EEPD1: variants seen among roughly 807,000 people sequenced by gnomAD.
EEPD1 encodes endonuclease/exonuclease/phosphatase family domain containing 1.
A neutral mutation model predicts 46.3 loss-of-function variants in EEPD1; 17 were observed. The observed-to-expected ratio is 0.37, with a 90% CI of 0.25 to 0.55. The LOEUF is 0.55. Among genes scored for constraint, EEPD1 ranks in the 20% least tolerant of loss-of-function variants. The pLI is 0.83. For missense variants in EEPD1, 673 were observed against 745.6 expected, an observed-to-expected ratio of 0.90 and a Z score of 1.13; for synonymous variants, 313 against 315.6, an observed-to-expected ratio of 0.99 and a Z score of 0.09.
intron 6 of EEPD1, among the ~76,000 whole-genome samples, chr7:36,292,826 T>A (rs1787469662): frequency 6.6e-6 from 1 of 152,154 alleles, no homozygotes; most frequent in African/African-American, 2.4e-5. Context: ...TGTTTTCTGA[T>A]ATTCTCCTGT....
At chr7:36,267,598 G>A (rs746995863) in intron 3 of EEPD1, among the ~76,000 whole-genome samples, 1 of 152,166 alleles carries the variant, frequency 6.6e-6, no homozygotes, top group Non-Finnish European at 1.5e-5. Flanking sequence ...CATCCTGGAT[G>A]CACACAAGCT....
chr7:36,179,789 G>A (rs113529567), intron 2 of EEPD1, among the ~76,000 whole-genome samples: 33 of 151,662 alleles, frequency 2.2e-4, no homozygotes, highest in Non-Finnish European at 3.4e-4. Flanking sequence ...CTGTACAGTG[G>A]TTTGCAGACT....
intron 2 of EEPD1, among the ~76,000 whole-genome samples, chr7:36,201,355 G>A (rs1472274001): frequency 6.6e-6 from 1 of 152,214 alleles, no homozygotes; most frequent in East Asian, 1.9e-4. Flanking sequence ...AATGTACTAT[G>A]TTTTGTAGGA....
intron 2 of EEPD1, among the ~76,000 whole-genome samples, chr7:36,199,452 G>A (rs989939346): frequency 6.6e-6 from 1 of 152,160 alleles, no homozygotes; most frequent in Non-Finnish European, 1.5e-5. Flanking sequence ...GCAGGTGTGG[G>A]TGGCAGGAGC....
intron 3 of EEPD1, among the ~76,000 whole-genome samples, chr7:36,253,287 C>T (rs981503367): frequency 2.0e-5 from 3 of 152,120 alleles, no homozygotes; most frequent in Admixed American, 1.3e-4. Flanking sequence ...CATTCCATAT[C>T]ACTGTGGTCA....
At chr7:36,245,033 C>T (rs774577693) in intron 3 of EEPD1, among the ~76,000 whole-genome samples, 121 of 152,040 alleles carry the variant, frequency 8.0e-4, no homozygotes, top group Non-Finnish European at 1.4e-3. Context: ...GCAACCTTCA[C>T]CTCCCAGGTG....
At chr7:36,244,789 TGG>T (rs1437951373) in intron 3 of EEPD1, among the ~76,000 whole-genome samples, 4 of 113,646 alleles carry the variant, frequency 3.5e-5, no homozygotes, top group Non-Finnish European at 7.3e-5. Flanking sequence ...TTTTTTTTTT[TGG>T]AGACGGAGTC....
chr7:36,198,344 A>AAAAAAAAAAAAAAAG (rs1428651956), intron 2 of EEPD1, among the ~76,000 whole-genome samples: 2 of 112,972 alleles, frequency 1.8e-5, no homozygotes, highest in East Asian at 5.1e-4. Flanking sequence ...AAAGAAAAGA[A>AAAAAAAAAAAAAAAG]AAAAAAAAAA....
intron 2 of EEPD1, among the ~76,000 whole-genome samples, chr7:36,223,860 G>C (rs1046659976): frequency 3.3e-5 from 5 of 152,196 alleles, no homozygotes; most frequent in Non-Finnish European, 2.9e-5. Flanking sequence ...TGTCTGCAAG[G>C]AGAAACTTGC....
intron 2 of EEPD1, among the ~76,000 whole-genome samples, chr7:36,198,967 C>T (rs1240795009): frequency 3.9e-5 from 6 of 152,100 alleles, no homozygotes; most frequent in South Asian, 2.1e-4. Context: ...GGTGGACCAC[C>T]GAGGAGAACC....
At position 36,193,574 on chromosome 7, in the gene EEPD1, G is replaced by T. The variant is rs1411819516; in HGVS notation, c.878+38372G>T. 6.6e-6 allele frequency among the ~76,000 whole-genome samples: 1 copy of T among 152,164 alleles called. No homozygotes were observed. Among genetic ancestry groups the T allele is most frequent in the African/African-American group, 2.4e-5 (1 of 41,442 alleles). Reference sequence around the variant, plus strand: ...TTTTGATGGAGTGCTGCCCAGAGGTGCTGGGTCCCCTGTCCTAGGAGAGTC... The same window carrying T: ...TTTTGATGGAGTGCTGCCCAGAGGTTCTGGGTCCCCTGTCCTAGGAGAGTC... On this transcript the variant is annotated intron_variant, in intron 2 of 7. Transcript: ENST00000242108. The surrounding 1 kb of genome is among the most constrained non-coding windows in gnomAD (Gnocchi z 4.9).
Position 36,300,961 on chromosome 7 carries a change from A to G in EEPD1, c.*1755A>G, listed in dbSNP as rs930536920. ...TTAAAGTCAAGAGGGGCAGCTCAGG[A>G]TGCTACCAGGGAGCACATCGTTTCT... On this transcript the variant is annotated 3_prime_UTR_variant, in exon 8 of 8. Transcript: ENST00000242108. 2.0e-5 allele frequency: 3 copies of G among 152,288 alleles called. No individual in the cohort carries two copies. The highest frequency in any genetic ancestry group is 7.2e-5 in the African/African-American group (3 of 41,460). 9.4% of individuals were successfully genotyped at this position (152,288 alleles called of 1,614,324 possible).
At chr7:36,229,069 C>T (rs758745147) in intron 2 of EEPD1, among the ~76,000 whole-genome samples, 6 of 152,298 alleles carry the variant, frequency 3.9e-5, no homozygotes, top group Admixed American at 2.0e-4. Context: ...TCTAAAGGCA[C>T]GTGCGGAAAC....
intron 2 of EEPD1, among the ~76,000 whole-genome samples, chr7:36,179,741 C>T (rs1024248619): frequency 6.1e-5 from 9 of 148,254 alleles, no homozygotes; most frequent in Admixed American, 6.8e-5. Flanking sequence ...GGCGTGGTGG[C>T]GCATGCCTGT....
intron 2 of EEPD1, among the ~76,000 whole-genome samples, chr7:36,211,851 G>A (rs1223721147): frequency 6.6e-6 from 1 of 151,978 alleles, no homozygotes; most frequent in African/African-American, 2.4e-5. Flanking sequence ...CTTGAACCCG[G>A]GAGGTGGAGG....
intron 3 of EEPD1, among the ~76,000 whole-genome samples, chr7:36,241,060 C>T (rs751278135): frequency 2.6e-5 from 4 of 152,132 alleles, no homozygotes; most frequent in Non-Finnish European, 5.9e-5. Context: ...AACAATTGAT[C>T]CTTCTGTGTA....
At chr7:36,223,464 C>T (rs1053428183) in intron 2 of EEPD1, among the ~76,000 whole-genome samples, 2 of 152,146 alleles carry the variant, frequency 1.3e-5, no homozygotes, top group African/African-American at 4.8e-5. Context: ...GACCTGCAGG[C>T]CACCACTCCC....
At chr7:36,177,548 T>C (rs1785203701) in intron 2 of EEPD1, among the ~76,000 whole-genome samples, 1 of 152,204 alleles carries the variant, frequency 6.6e-6, no homozygotes, top group African/African-American at 2.4e-5. Context: ...TTAATTCACT[T>C]AGGATAATGG....
intron 2 of EEPD1, among the ~76,000 whole-genome samples, chr7:36,232,410 T>C (rs529203791): frequency 6.6e-6 from 1 of 151,952 alleles, no homozygotes; most frequent in East Asian, 1.9e-4. Context: ...TTCACTGTGT[T>C]AGCCAGGATG....
Sources: gnomAD v4.1 joint callset for allele counts (sites outside exome capture counted in the v4.1 genomes callset) on GRCh38, gnomAD v4.1.1 for gene constraint, Gnocchi (gnomAD v3.1) non-coding constraint, MANE v1.5 for transcripts, NCBI Gene and HGNC (gene_info 2026-07-23, HGNC 2026-07-21) for gene names.